The following STX5 variants were observed in gnomAD, a reference collection of about 807,000 sequenced individuals.
STX5 encodes syntaxin-5.
Under a neutral mutation model 42.9 loss-of-function variants are expected in STX5, and 15 were observed. The observed-to-expected ratio is 0.35, with a 90% CI of 0.23 to 0.54. The LOEUF is 0.54. Ranked by LOEUF, STX5 falls within the 20% of genes least tolerant of loss-of-function variation. The pLI is 0.91. For synonymous variants in STX5, 184 were observed against 173.2 expected (o/e 1.06, Z -0.49); for missense variants, 430 against 455.0 (o/e 0.95, Z 0.50).
chr11:62,817,644 G>C (rs1284767389), intron 10 of STX5, among the ~76,000 whole-genome samples: 1 of 152,094 alleles, frequency 6.6e-6, no homozygotes. Flanking sequence ...CAGATGATGA[G>C]AATTAAATTT....
At chr11:62,820,367 C>CAA (rs112508665) in intron 10 of STX5, among the ~76,000 whole-genome samples, 1 of 121,882 alleles carries the variant, frequency 8.2e-6, no homozygotes, top group Non-Finnish European at 1.7e-5. Context: ...GACTCTGTCT[C>CAA]AAAAAAAAAA....
At chr11:62,825,141 G>A (rs746125535) in intron 7 of STX5, 24 bp from the exon 8 acceptor site, 1 of 1,612,440 alleles carries the variant, frequency 6.2e-7, no homozygotes, top group South Asian at 1.1e-5. Context: ...AAAACGCAAA[G>A]GACCTGAAGC....
chr11:62,818,840 T>C (rs2134830719), intron 10 of STX5, among the ~76,000 whole-genome samples: 1 of 150,988 alleles, frequency 6.6e-6, no homozygotes, highest in Non-Finnish European at 1.5e-5. Flanking sequence ...TGAGACCCTG[T>C]CTCAGGAAAA....
At chr11:62,828,874 G>C (rs1168639935) in intron 2 of STX5, among the ~76,000 whole-genome samples, 1 of 152,000 alleles carries the variant, frequency 6.6e-6, no homozygotes, top group African/African-American at 2.4e-5. Flanking sequence ...AGACCATCCT[G>C]GCGAACACAG....
In STX5 at chr11:62,807,277, G is replaced by A; in HGVS notation, c.*192C>T. The A allele has an allele frequency of 3.9e-6, 3 of 772,622 alleles. No individual in the cohort carries two copies. Among genetic ancestry groups the A allele is most frequent in the Non-Finnish European group, 5.9e-6 (3 of 504,782 alleles). 47.9% of individuals were successfully genotyped at this position (772,622 alleles called of 1,614,324 possible). A position where few individuals can be genotyped will look rare whatever the true frequency, so the allele number is the denominator to read the frequency against. ...AGAACCCTGTGTGTTTCATAGGCCT[G>A]AGGGTGGTGGGGGGAGGACAGGGTG... On this transcript the variant is annotated 3_prime_UTR_variant, in exon 11 of 11. Coordinates refer to ENST00000294179, the MANE Select transcript of STX5 (RefSeq NM_003164.5).
At chr11:62,813,995 T>C (rs2084645607) in intron 10 of STX5, among the ~76,000 whole-genome samples, 1 of 152,212 alleles carries the variant, frequency 6.6e-6, no homozygotes, top group South Asian at 2.1e-4. Flanking sequence ...TCCATTGGCA[T>C]GCTAACATAC....
chr11:62,818,543 C>T (rs1430472565), intron 10 of STX5, among the ~76,000 whole-genome samples: 3 of 118,826 alleles, frequency 2.5e-5, no homozygotes, highest in East Asian at 5.0e-4. Flanking sequence ...GCCTGGGCAA[C>T]AAGAGCAAAA....
intron 10 of STX5, among the ~76,000 whole-genome samples, chr11:62,822,718 C>T (rs1340329643): frequency 1.7e-5 from 2 of 116,122 alleles, no homozygotes; most frequent in Non-Finnish European, 3.6e-5. Context: ...TTTTTTTTAA[C>T]ATACTATTTA....
chr11:62,810,433 C>A (rs1251396074), intron 10 of STX5, among the ~76,000 whole-genome samples: 2 of 151,926 alleles, frequency 1.3e-5, no homozygotes, highest in Admixed American at 6.6e-5. Flanking sequence ...CAGAGTGTCA[C>A]CTTGTCTCAA....
intron 2 of STX5, among the ~76,000 whole-genome samples, chr11:62,829,534 C>T (rs2084832930): frequency 6.6e-6 from 1 of 151,814 alleles, no homozygotes; most frequent in African/African-American, 2.4e-5. Context: ...GAAGATAAAG[C>T]AGACGGATCA....
chr11:62,824,402 C>T (rs545734014), intron 9 of STX5, 57 bp downstream of exon 9: 24 of 1,613,130 alleles, frequency 1.5e-5, no homozygotes, highest in Admixed American at 8.3e-5. Flanking sequence ...AACACTCTCT[C>T]GGGAACCACA....
intron 2 of STX5, among the ~76,000 whole-genome samples, chr11:62,829,672 G>A (rs1394810774): frequency 4.6e-5 from 7 of 152,216 alleles, no homozygotes; most frequent in Non-Finnish European, 8.8e-5. Flanking sequence ...CCTGAGGCAG[G>A]AGGGTTGCTT....
Position 62,827,628 on chromosome 11 carries a change from C to G in STX5, c.229G>C (p.Gly77Arg). The change falls in exon 3 of 11, where the codon GGA (glycine) becomes CGA (arginine). Residue 77 changes from glycine to arginine, a missense_variant. Gly to Arg is a moderately radical substitution (Grantham distance 125). Transcript: ENST00000294179. ...AAAGCTGGCTTATTTGTCTGGATTC[C>G]ATTCTGAAAAGCAATGGCAGGAGGT... ...ACKSLQTRQN[G>R]IQTNKPALRA... 6.2e-7 allele frequency: 1 copy of G among 1,614,188 alleles called. No individual in the cohort carries two copies. Among genetic ancestry groups the G allele is most frequent in the Non-Finnish European group, 8.5e-7 (1 of 1,180,042 alleles).
chr11:62,825,281 A>G lies in STX5; in HGVS notation c.597+2T>C. Reference sequence around the variant, plus strand: ...TACCCCTCCTACGCAGATTGTTCTCACCTCTGTCCTCACTTCTAAAACCGA... The same window carrying G: ...TACCCCTCCTACGCAGATTGTTCTCGCCTCTGTCCTCACTTCTAAAACCGA... On this transcript the variant is annotated splice_donor_variant, in intron 7 of 10. Coordinates refer to ENST00000294179, the MANE Select transcript of STX5 (RefSeq NM_003164.5). LOFTEE classifies it high-confidence loss of function. The G allele has an allele frequency of 6.2e-7, 1 of 1,613,970 alleles. No individual in the cohort carries two copies. Among genetic ancestry groups the G allele is most frequent in the Non-Finnish European group, 8.5e-7 (1 of 1,180,020 alleles).
intron 2 of STX5, among the ~76,000 whole-genome samples, chr11:62,830,720 T>C (rs1389318538): frequency 6.6e-6 from 1 of 152,210 alleles, no homozygotes; most frequent in Admixed American, 6.5e-5. Context: ...AGGCTCTTCC[T>C]AGAACTTGTT....
At chr11:62,809,752 G>C (rs1680247257) in intron 10 of STX5, among the ~76,000 whole-genome samples, 1 of 141,792 alleles carries the variant, frequency 7.1e-6, no homozygotes, top group African/African-American at 2.6e-5. Context: ...GCATGCTGTA[G>C]TATCTAGGAA....
At chr11:62,812,101 G>C (rs1411358498) in intron 10 of STX5, among the ~76,000 whole-genome samples, 1 of 139,528 alleles carries the variant, frequency 7.2e-6, no homozygotes, top group Non-Finnish European at 1.5e-5. Flanking sequence ...TTTTGAGATG[G>C]AGTTTTGCTC....
chr11:62,820,520 CTTTT>C, intron 10 of STX5, among the ~76,000 whole-genome samples: 1 of 140,684 alleles, frequency 7.1e-6, no homozygotes, highest in Admixed American at 7.1e-5. Context: ...TTTTCTTTTT[CTTTT>C]TTTTTTTTTT....
intron 10 of STX5, among the ~76,000 whole-genome samples, chr11:62,822,347 A>G (rs2084749120): frequency 6.6e-6 from 1 of 151,846 alleles, no homozygotes; most frequent in African/African-American, 2.4e-5. Context: ...TGGGCGACAC[A>G]GCAAGGCTCT....
Sources: gnomAD v4.1 joint callset for allele counts (sites outside exome capture counted in the v4.1 genomes callset) on GRCh38, gnomAD v4.1.1 for gene constraint, MANE v1.5 for transcripts, NCBI Gene and HGNC (gene_info 2026-07-23, HGNC 2026-07-21) for gene names.